The following CSMD2 variants were observed in gnomAD, a reference collection of about 807,000 sequenced individuals.
CSMD2 encodes the protein CUB and Sushi multiple domains 2, also known as CUB and sushi domain-containing protein 2.
Under a neutral mutation model 398.5 loss-of-function variants are expected in CSMD2, and 130 were observed. The observed-to-expected ratio is 0.33, with a 90% confidence interval of 0.28 to 0.38. The LOEUF is 0.38. CSMD2 is among the 10% of genes least tolerant of loss of function. The pLI, the probability that CSMD2 is intolerant of heterozygous loss-of-function variation, is 1.00. For synonymous variants in CSMD2, 1,828 were observed against 1,908.5 expected (o/e 0.96, Z 1.10); for missense variants, 3,829 against 4,764.9 (o/e 0.80, Z 5.78).
chr1:33,703,693 T>A (rs907165471), intron 22 of CSMD2, among the ~76,000 whole-genome samples: 1 of 152,234 alleles, frequency 6.6e-6, no homozygotes, highest in Admixed American at 6.5e-5. Flanking sequence ...AGAGCATACA[T>A]CTAGCATGGA....
At chr1:33,843,303 G>A (rs139194334) in intron 6 of CSMD2, among the ~76,000 whole-genome samples, 15 of 152,302 alleles carry the variant, frequency 9.8e-5, no homozygotes, top group African/African-American at 3.6e-4. Flanking sequence ...ATACCCTGTG[G>A]TATTAGGTAA....
intron 10 of CSMD2, among the ~76,000 whole-genome samples, chr1:33,806,419 A>G (rs1442729646): frequency 6.6e-6 from 1 of 152,220 alleles, no homozygotes; most frequent in African/African-American, 2.4e-5. Flanking sequence ...ACTAGGCAGA[A>G]GCAGATGCAA....
intron 1 of CSMD2, among the ~76,000 whole-genome samples, chr1:34,108,797 C>T (rs370652223): frequency 1.3e-5 from 2 of 152,224 alleles, no homozygotes; most frequent in East Asian, 3.9e-4. Flanking sequence ...CCAGACGGAA[C>T]CACAGTAGAG....
At chr1:33,606,327 A>T (rs1479938599) in intron 41 of CSMD2, among the ~76,000 whole-genome samples, 1 of 152,228 alleles carries the variant, frequency 6.6e-6, no homozygotes, top group Non-Finnish European at 1.5e-5. Flanking sequence ...GACTGGATAG[A>T]TGCTTCTTAG....
At chr1:34,011,746 G>GTTA (rs907450543) in intron 3 of CSMD2, among the ~76,000 whole-genome samples, 1 of 152,060 alleles carries the variant, frequency 6.6e-6, no homozygotes, top group African/African-American at 2.4e-5. Flanking sequence ...TACTGTTTCA[G>GTTA]TTATTTTAAA....
Position 33,961,366 on chromosome 1 carries a change from C to T in CSMD2, c.518-25412G>A, listed in dbSNP as rs539117165. Among the ~76,000 whole-genome samples, 14 of 152,374 alleles carry T rather than the reference C, an allele frequency of 9.2e-5. No homozygotes were observed. The South Asian group carries it at 2.1e-3, about 23-fold the overall frequency. ...AGGCCTGTGTAAGACTGAGGAGCTG[C>T]GCTCACTGGGACAGGAGTCTTCTGG... On this transcript the variant is annotated intron_variant, in intron 3 of 70. Coordinates refer to ENST00000373381, the MANE Select transcript of CSMD2 (RefSeq NM_001281956.2).
intron 13 of CSMD2, among the ~76,000 whole-genome samples, chr1:33,758,055 T>C (rs1387977967): frequency 2.0e-5 from 3 of 152,224 alleles, no homozygotes; most frequent in Admixed American, 2.0e-4. Context: ...AGATAAAGTC[T>C]AGACTCCTCG....
At chr1:33,709,384 CG>C in intron 21 of CSMD2, 126 bp from the exon 22 acceptor site, 3 of 730,942 alleles carry the variant, frequency 4.1e-6, no homozygotes, top group Non-Finnish European at 4.5e-6. Context: ...AAGGTGCCTG[CG>C]TGTCTGTCCA....
In CSMD2 at chr1:33,810,830, C is replaced by G. The variant is rs368564766; in HGVS notation, c.1359G>C (p.Ser453=). Residue 453 remains serine, a synonymous_variant, in exon 10 of 71, where the codon TCG becomes TCC. Coordinates refer to ENST00000373381, the MANE Select transcript of CSMD2 (RefSeq NM_001281956.2). ...GGAAATTGGGGGAGGTGATGATGCC[C>G]GAGGGGCCTCGAAGGTGGGCATCAC... ...RMCDAHLRGP[S]GIITSPNFPI... The G allele has an allele frequency of 6.2e-7, 1 of 1,612,402 alleles. No homozygotes were observed. The highest frequency in any genetic ancestry group is 1.1e-5 in the South Asian group (1 of 90,912).
intron 2 of CSMD2, among the ~76,000 whole-genome samples, chr1:34,074,006 C>A (rs907923167): frequency 6.6e-6 from 1 of 152,132 alleles, no homozygotes; most frequent in Admixed American, 6.5e-5. Flanking sequence ...GGCAGGTGCC[C>A]CACACTTAAA....
intron 25 of CSMD2, among the ~76,000 whole-genome samples, chr1:33,673,586 A>C (rs1444901998): frequency 6.6e-6 from 1 of 152,232 alleles, no homozygotes; most frequent in Non-Finnish European, 1.5e-5. Context: ...GCAGGCCAAC[A>C]TTCAAATTCA....
chr1:33,569,324 C>T, intron 52 of CSMD2, 50 bp downstream of exon 52: 4 of 1,547,292 alleles, frequency 2.6e-6, no homozygotes, highest in Non-Finnish European at 3.5e-6. Context: ...AAGATCTAAT[C>T]TATCTCAAGG....
intron 5 of CSMD2, among the ~76,000 whole-genome samples, chr1:33,883,549 G>A (rs1300603528): frequency 6.6e-6 from 1 of 152,064 alleles, no homozygotes; most frequent in Non-Finnish European, 1.5e-5. Context: ...TATTGAAAAT[G>A]TAGATTTCCG....
intron 2 of CSMD2, among the ~76,000 whole-genome samples, chr1:34,047,952 G>C (rs1652726211): frequency 6.6e-6 from 1 of 152,236 alleles, no homozygotes. Context: ...CTCCCCAAGA[G>C]AGGGGATTTT....
At chr1:33,751,416 T>C (rs552755075) in intron 13 of CSMD2, among the ~76,000 whole-genome samples, 1 of 152,142 alleles carries the variant, frequency 6.6e-6, no homozygotes, top group Non-Finnish European at 1.5e-5. Context: ...CCACTGGGTT[T>C]CAGCAACATG....
Position 33,646,781 on chromosome 1 carries a change from A to G in CSMD2, c.4641T>C (p.Ser1547=). Residue 1547 remains serine, a synonymous_variant, in exon 29 of 71, where the codon TCT becomes TCC. Transcript: ENST00000373381. The part of the protein sequence containing the change: ...DFLHIYDGRD[S]LSPLIGSFYG... The stretch of plus-strand genomic sequence containing the variant: ...AGAAGCTTCCTATGAGAGGGCTGAG[A>G]GAGTCCCGTCCGTCGTAGATATGGA... 6.2e-7 allele frequency: 1 copy of G among 1,614,050 alleles called. No homozygotes were observed. Among genetic ancestry groups the G allele is most frequent in the Non-Finnish European group, 8.5e-7 (1 of 1,179,976 alleles).
At chr1:34,020,775 G>A (rs988402405) in intron 3 of CSMD2, among the ~76,000 whole-genome samples, 3 of 152,148 alleles carry the variant, frequency 2.0e-5, no homozygotes, top group Admixed American at 1.3e-4. Context: ...TCACGAGGTG[G>A]TTATGTGTCG....
intron 21 of CSMD2, among the ~76,000 whole-genome samples, chr1:33,714,243 G>A (rs1012702136): frequency 1.3e-5 from 2 of 152,212 alleles, no homozygotes; most frequent in African/African-American, 4.8e-5. Context: ...AGATTCCTCG[G>A]TAAGAGGCAT....
chr1:33,816,050 T>C (rs977436100), intron 9 of CSMD2, among the ~76,000 whole-genome samples: 1 of 152,126 alleles, frequency 6.6e-6, no homozygotes, highest in Non-Finnish European at 1.5e-5. Flanking sequence ...GTGCCATATT[T>C]CTCCTGTTTT....
Sources: gnomAD v4.1 joint callset for allele counts (sites outside exome capture counted in the v4.1 genomes callset) on GRCh38, gnomAD v4.1.1 for gene constraint, MANE v1.5 for transcripts, NCBI Gene and HGNC (gene_info 2026-07-23, HGNC 2026-07-21) for gene names.